Variants in PSD3 observed in about 807,000 individuals in gnomAD.
PSD3 encodes the protein pleckstrin and Sec7 domain containing 3.
PSD3 carries 49 observed loss-of-function variants against 105.5 expected under a neutral mutation model. The observed-to-expected ratio is 0.46, with a 90% CI of 0.37 to 0.59. The LOEUF is 0.59. Ranked by LOEUF, PSD3 falls within the 20% of genes least tolerant of loss-of-function variation. The pLI is 0.00. For missense variants in PSD3, 1,561 were observed against 1,263.8 expected, an observed-to-expected ratio of 1.24 and a Z score of -3.57; for synonymous variants, 557 against 457.8, an observed-to-expected ratio of 1.22 and a Z score of -2.77.
intron 9 of PSD3, among the ~76,000 whole-genome samples, chr8:18,722,951 A>G (rs1803097363): frequency 6.6e-6 from 1 of 152,232 alleles, no homozygotes; most frequent in Middle Eastern, 3.2e-3. Context: ...GCTGTTTTAC[A>G]TGTTATCAGT....
At chr8:18,641,497 C>T (rs554395219) in intron 10 of PSD3, among the ~76,000 whole-genome samples, 1 of 152,126 alleles carries the variant, frequency 6.6e-6, no homozygotes, top group South Asian at 2.1e-4. Context: ...CAAAGCAGTA[C>T]AGGATCAGAG....
At chr8:18,690,551 G>T (rs1298383293) in intron 9 of PSD3, among the ~76,000 whole-genome samples, 3 of 152,054 alleles carry the variant, frequency 2.0e-5, no homozygotes, top group Non-Finnish European at 2.9e-5. Flanking sequence ...TACACCCCAG[G>T]ACAGGATTCT....
At chr8:18,987,140 C>T (rs554764736) in intron 1 of PSD3, among the ~76,000 whole-genome samples, 76 of 151,902 alleles carry the variant, frequency 5.0e-4, no homozygotes, top group Admixed American at 1.4e-3. Flanking sequence ...TTCACTCCAC[C>T]CTTTTGTTTT....
At chr8:18,888,731 C>T (rs1818591687) in intron 2 of PSD3, among the ~76,000 whole-genome samples, 1 of 152,156 alleles carries the variant, frequency 6.6e-6, no homozygotes, top group Non-Finnish European at 1.5e-5. Flanking sequence ...AAAGGACAAC[C>T]TTTGCTGGCT....
chr8:18,803,305 A>AAAAAAAGGCT, intron 6 of PSD3: 1 of 162,992 alleles, frequency 6.1e-6, no homozygotes, highest in South Asian at 1.3e-4. Flanking sequence ...AAAAAAAAAA[A>AAAAAAAGGCT]AAAAGGCTAT....
rs200292295 is a variant in PSD3, at chr8:18,867,647, T to C, written c.1634+27A>G. On this transcript the variant is annotated intron_variant, in intron 4 of 15. Transcript: ENST00000327040. Reference sequence around the variant, plus strand: ...AGAAATCCTACAAAAACCACCAGCATGAAATGAATGAGAATGGGACGAGTA... The same window carrying C: ...AGAAATCCTACAAAAACCACCAGCACGAAATGAATGAGAATGGGACGAGTA... The C allele has an allele frequency of 1.9e-6, 3 of 1,561,154 alleles. No homozygotes were observed. In the East Asian group the frequency reaches 6.8e-5, roughly 35 times the overall value.
At chr8:18,704,131 G>A (rs1475170275) in intron 9 of PSD3, among the ~76,000 whole-genome samples, 1 of 152,134 alleles carries the variant, frequency 6.6e-6, no homozygotes, top group Non-Finnish European at 1.5e-5. Flanking sequence ...TCTTTAAAAC[G>A]CTAGTAGTTC....
Position 19,045,652 on chromosome 8 carries a change from C to T in PSD3, c.324+38554G>A, listed in dbSNP as rs546833919. 2.0e-5 allele frequency among the ~76,000 whole-genome samples: 3 copies of T among 152,286 alleles called. No individual in the cohort carries two copies. The South Asian group carries it at 6.2e-4, about 32-fold the overall frequency. The stretch of plus-strand genomic sequence containing the variant: ...GATAGTAAGTAATTATCCCTTACTT[C>T]AGGAACACCTTCTCCATTTAAAGGG... On this transcript the variant is annotated intron_variant, in intron 1 of 1. Transcript: ENST00000521475.
chr8:18,976,383 C>A (rs1314128190), intron 1 of PSD3, among the ~76,000 whole-genome samples: 1 of 151,928 alleles, frequency 6.6e-6, no homozygotes, highest in Non-Finnish European at 1.5e-5. Flanking sequence ...TCTGTGATAC[C>A]CAGGACTAGA....
At chr8:18,740,620 C>T (rs1804495909) in intron 9 of PSD3, among the ~76,000 whole-genome samples, 1 of 152,136 alleles carries the variant, frequency 6.6e-6, no homozygotes, top group South Asian at 2.1e-4. Flanking sequence ...GAATATCAGA[C>T]TATCTAGAAA....
intron 12 of PSD3, among the ~76,000 whole-genome samples, chr8:18,584,875 A>G (rs1443439262): frequency 6.6e-6 from 1 of 152,162 alleles, no homozygotes; most frequent in African/African-American, 2.4e-5. Flanking sequence ...TTTTTTCATA[A>G]AGGGACTATC....
chr8:18,655,539 C>T, intron 10 of PSD3, 103 bp downstream of exon 10: 1 of 1,067,002 alleles, frequency 9.4e-7, no homozygotes, highest in Non-Finnish European at 1.4e-6. Context: ...TGAGAATTGG[C>T]AATGCATATT....
At chr8:18,555,965 T>C (rs1355982868) in intron 15 of PSD3, among the ~76,000 whole-genome samples, 1 of 152,184 alleles carries the variant, frequency 6.6e-6, no homozygotes, top group Admixed American at 6.5e-5. Flanking sequence ...CGCACACTAT[T>C]CCAACCAGGC....
intron 1 of PSD3, among the ~76,000 whole-genome samples, chr8:18,957,801 G>T (rs1554552590): frequency 6.6e-6 from 1 of 152,154 alleles, no homozygotes; most frequent in South Asian, 2.1e-4. Flanking sequence ...AGTTAATAAT[G>T]AATGCACTTG....
intron 4 of PSD3, among the ~76,000 whole-genome samples, chr8:18,827,685 C>T (rs933290615): frequency 6.6e-6 from 1 of 151,738 alleles, no homozygotes; most frequent in African/African-American, 2.4e-5. Context: ...CTGCAAGGGT[C>T]GAGGTGACAG....
At chr8:18,881,942 T>G (rs1818130183) in intron 2 of PSD3, among the ~76,000 whole-genome samples, 1 of 152,188 alleles carries the variant, frequency 6.6e-6, no homozygotes, top group African/African-American at 2.4e-5. Flanking sequence ...ATGAGGTGGC[T>G]CACGCCTGTA....
At chr8:18,602,894 A>G (rs1804537720) in intron 11 of PSD3, among the ~76,000 whole-genome samples, 1 of 152,174 alleles carries the variant, frequency 6.6e-6, no homozygotes, top group Non-Finnish European at 1.5e-5. Context: ...TGAGGACTGT[A>G]GAAGGAGTTA....
At chr8:18,716,892 C>T (rs1802636297) in intron 9 of PSD3, among the ~76,000 whole-genome samples, 1 of 152,198 alleles carries the variant, frequency 6.6e-6, no homozygotes, top group Non-Finnish European at 1.5e-5. Flanking sequence ...CATGTGTGAG[C>T]ATGATCATCT....
intron 13 of PSD3, among the ~76,000 whole-genome samples, chr8:18,574,306 T>C (rs952234493): frequency 1.3e-5 from 2 of 152,166 alleles, no homozygotes; most frequent in Non-Finnish European, 2.9e-5. Context: ...CAATGGACTG[T>C]TTTTTGCATC....
Sources: allele counts gnomAD v4.1 joint callset (sites outside exome capture counted in the v4.1 genomes callset), GRCh38; gene constraint gnomAD v4.1.1; transcripts MANE v1.5; gene names NCBI Gene and HGNC (gene_info 2026-07-23, HGNC 2026-07-21).